The following PIK3IP1 variants were observed in gnomAD, a reference collection of about 807,000 sequenced individuals.
The protein encoded by PIK3IP1 is phosphoinositide-3-kinase interacting protein 1.
Under a neutral mutation model 30.7 loss-of-function variants are expected in PIK3IP1, and 28 were observed. The observed-to-expected ratio is 0.91, with a 90% confidence interval of 0.68 to 1.25. The LOEUF (loss-of-function observed/expected upper bound fraction) is 1.25, where lower values mean the gene tolerates loss of function less well. PIK3IP1 is among the 50% of genes most tolerant of loss of function. The pLI is 0.00. For missense variants in PIK3IP1, 333 were observed against 346.2 expected (o/e 0.96, Z 0.30); for synonymous variants, 159 against 140.8 (o/e 1.13, Z -0.91).
At chr22:31,291,323 C>T (rs780413144) in intron 1 of PIK3IP1, 27 bp from the exon 2 acceptor site, 3 of 1,549,902 alleles carry the variant, frequency 1.9e-6, no homozygotes, top group Middle Eastern at 1.7e-4. Flanking sequence ...CCCCCGGACA[C>T]AGAATAGCGG....
Position 31,283,083 on chromosome 22 carries a change from C to T in PIK3IP1, c.*1G>A, listed in dbSNP as rs1357877969. 1 of 1,587,454 alleles carries T rather than the reference C, an allele frequency of 6.3e-7. No individual in the cohort carries two copies. Among genetic ancestry groups the T allele is most frequent in the African/African-American group, 1.3e-5 (1 of 74,614 alleles). On this transcript the variant is annotated 3_prime_UTR_variant, in exon 6 of 6. Transcript: ENST00000215912. Reference sequence around the variant, plus strand: ...CATGGGCTCCTGCCCACTGGGGGGGCTCAGGCCCCAGGAGTCCCGGCCTGG... The same window carrying T: ...CATGGGCTCCTGCCCACTGGGGGGGTTCAGGCCCCAGGAGTCCCGGCCTGG...
chr22:31,290,596 C>A, intron 3 of PIK3IP1: 1 of 198,258 alleles, frequency 5.0e-6, no homozygotes, highest in South Asian at 1.5e-4. Context: ...CGGTGTGTGT[C>A]AGGGGAGGTT....
rs776304885 is a variant in PIK3IP1, at chr22:31,291,254, G to A, written c.113C>T (p.Thr38Ile). ...GCAGCGGAGGCCCGGCGCGGGGGAG[G>A]TCTGGTCCTCCCGGTACAGGTGGCC... Reference protein sequence around the residue: ...DNGHLYREDQTSPAPGLRCLN... With the variant: ...DNGHLYREDQISPAPGLRCLN... The change falls in exon 2 of 6, where the codon ACC (threonine) becomes ATC (isoleucine). Residue 38 changes from threonine (T) to isoleucine (I), a missense_variant. Physicochemically the swap from Thr to Ile is moderately conservative, Grantham distance 89. This residue lies in a region of PIK3IP1 where 111 missense variants were observed against 100.1 expected (regional missense o/e 1.11). Coordinates refer to ENST00000215912, the MANE Select transcript of PIK3IP1 (RefSeq NM_052880.5). 1.4e-4 allele frequency: 221 copies of A among 1,553,872 alleles called. No individual in the cohort carries two copies. The highest frequency in any genetic ancestry group is 1.2e-3 in the Admixed American group (63 of 51,396).
intron 1 of PIK3IP1, among the ~76,000 whole-genome samples, chr22:31,291,697 C>G (rs899624493): frequency 6.6e-6 from 1 of 152,084 alleles, no homozygotes; most frequent in African/African-American, 2.4e-5. Context: ...AGTTTTGGGA[C>G]GGGGGGCGCC....
chr22:31,290,787 T>TGGC (rs972468516), intron 3 of PIK3IP1, 178 bp downstream of exon 3: 9 of 894,088 alleles, frequency 1.0e-5, no homozygotes, highest in Non-Finnish European at 1.4e-5. Flanking sequence ...CTCATACGAG[T>TGGC]GGCGGCGGCG....
At position 31,291,291 on chromosome 22, in the gene PIK3IP1, A is replaced by T. The variant is rs2049176486; in HGVS notation, c.76T>A (p.Phe26Ile). 6.4e-7 allele frequency: 1 copy of T among 1,556,954 alleles called. No individual in the cohort carries two copies. Among genetic ancestry groups the T allele is most frequent in the East Asian group, 2.4e-5 (1 of 41,102 alleles). The stretch of plus-strand genomic sequence containing the variant: ...CGGTACAGGTGGCCGTTGTCCCAGA[A>T]ACAGCCTGTGAGGAAAAGAAGCCCC... The part of the protein sequence containing the change: ...LAEAYGSGGC[F>I]WDNGHLYRED... The change falls in exon 2 of 6, where the codon TTC (phenylalanine) becomes ATC (isoleucine). Residue 26 changes from phenylalanine (F) to isoleucine (I), a missense_variant. Transcript: ENST00000215912.
At chr22:31,288,014 T>C (rs534154404) in intron 5 of PIK3IP1, among the ~76,000 whole-genome samples, 1 of 152,314 alleles carries the variant, frequency 6.6e-6, no homozygotes, top group African/African-American at 2.4e-5. Flanking sequence ...GGAGGTTGAC[T>C]ACAAGGCCTT....
chr22:31,288,674 C>T (rs2049149647), intron 5 of PIK3IP1, among the ~76,000 whole-genome samples: 1 of 152,242 alleles, frequency 6.6e-6, no homozygotes, highest in Admixed American at 6.5e-5. Flanking sequence ...AATAAGCATT[C>T]TTCTCCTGCT....
rs1402346612 is a variant in PIK3IP1 at position 31,282,816 on chromosome 22, C to T, written c.*268G>A. 3 of 430,252 alleles carry T rather than the reference C, an allele frequency of 7.0e-6. No homozygotes were observed. The highest frequency in any genetic ancestry group is 5.9e-5 in the African/African-American group (3 of 50,532). The allele number at this position is 430,252 out of a possible 1,614,324, so 26.7% of individuals were successfully genotyped here. On this transcript the variant is annotated 3_prime_UTR_variant, in exon 6 of 6. Coordinates refer to ENST00000215912, the MANE Select transcript of PIK3IP1 (RefSeq NM_052880.5). ...GCAGGCAATGTTTGGAAGCCCTTAG[C>T]AGCAGCATCACTGTGGGAGCTGCCA...
In PIK3IP1 at chr22:31,290,828, G is replaced by A. The variant is rs1042964678; in HGVS notation, c.307+137C>T. On this transcript the variant is annotated intron_variant, in intron 3 of 5. Transcript: ENST00000215912. ...TAGGCTTTGAGCCCCGCGGCCTGGAGACAGCCCTGGCCAATCGGACGGCGC... is the reference window on the plus strand; with the variant it reads ...TAGGCTTTGAGCCCCGCGGCCTGGAAACAGCCCTGGCCAATCGGACGGCGC... 7.0e-6 allele frequency: 9 copies of A among 1,287,024 alleles called. No homozygotes were observed. The African/African-American group carries it at 1.3e-4, about 18-fold the overall frequency. 79.7% of individuals were successfully genotyped at this position (1,287,024 alleles called of 1,614,324 possible).
intron 5 of PIK3IP1, among the ~76,000 whole-genome samples, chr22:31,287,269 T>G (rs1348711125): frequency 6.6e-6 from 1 of 151,230 alleles, no homozygotes; most frequent in Non-Finnish European, 1.5e-5. Flanking sequence ...TCCACCCACC[T>G]CTGCCTCCCA....
In PIK3IP1 at chr22:31,289,626, C is replaced by T. The variant is rs893177052; in HGVS notation, c.381G>A (p.Glu127=). ...QEASEGPGAD[E]VQVFAPANAL... ...CGTTGGCAGGAGCGAACACCTGCACCTCATCTGCACCTGGCCCTTCAGACG... is the reference window on the plus strand; with the variant it reads ...CGTTGGCAGGAGCGAACACCTGCACTTCATCTGCACCTGGCCCTTCAGACG... Residue 127 remains glutamate, a synonymous_variant, in exon 4 of 6, where the codon GAG becomes GAA. Transcript: ENST00000215912. The T allele has an allele frequency of 2.4e-5, 37 of 1,556,078 alleles. No individual in the cohort carries two copies. Among genetic ancestry groups the T allele is most frequent in the Non-Finnish European group, 3.0e-5 (35 of 1,148,940 alleles).
rs957061765 is a variant in PIK3IP1 at position 31,291,191 on chromosome 22, G to A, written c.176C>T (p.Ala59Val). Residue 59 changes from alanine (A) to valine (V), a missense_variant, in exon 2 of 6, where the codon GCC becomes GTC. Physicochemically the swap from Ala to Val is moderately conservative, Grantham distance 64. Around this residue, in one of 3 missense-constraint regions of PIK3IP1, gnomAD observed 111 missense variants for 100.1 expected, o/e 1.11. Coordinates refer to ENST00000215912, the MANE Select transcript of PIK3IP1 (RefSeq NM_052880.5). The part of the protein sequence containing the change: ...WLDAQSGLAS[A>V]PVSGAGNHSY... ...CGGAGGACACTTACCCGACACGGGG[G>A]CCGAGGCCAGCCCGCTCTGCGCGTC... 7.1e-6 allele frequency: 11 copies of A among 1,547,244 alleles called. No individual in the cohort carries two copies. The highest frequency in any genetic ancestry group is 1.7e-4 in the Middle Eastern group (1 of 5,962).
chr22:31,290,681 G>C (rs2049167848), intron 3 of PIK3IP1: 1 of 402,806 alleles, frequency 2.5e-6, no homozygotes, highest in Non-Finnish European at 4.4e-6. Context: ...AACGCTGAGG[G>C]GCCAAAAGCC....
rs1296350743 is a variant in PIK3IP1, at chr22:31,281,967, C to G, written c.*1117G>C. 6.6e-6 allele frequency: 1 copy of G among 152,416 alleles called. No individual in the cohort carries two copies. The highest frequency in any genetic ancestry group is 6.5e-5 in the Admixed American group (1 of 15,284). 9.4% of individuals were successfully genotyped at this position (152,416 alleles called of 1,614,324 possible). A position where few individuals can be genotyped will look rare whatever the true frequency, so the allele number is the denominator to read the frequency against. ...TTGCGCTCCGTCAGGAAGCTGGGCT[C>G]TTGCCATGCCAGTAGCTTGCTTACG... On this transcript the variant is annotated 3_prime_UTR_variant, in exon 6 of 6. Transcript: ENST00000215912.
intron 5 of PIK3IP1, among the ~76,000 whole-genome samples, chr22:31,288,596 A>C (rs1337213905): frequency 1.3e-5 from 2 of 152,248 alleles, no homozygotes; most frequent in Admixed American, 1.3e-4. Context: ...CAGTGCTGTA[A>C]AGATGAATGC....
Position 31,289,346 on chromosome 22 carries a change from C to T in PIK3IP1, c.556G>A (p.Ala186Thr), listed in dbSNP as rs768502817. The T allele has an allele frequency of 5.6e-6, 9 of 1,613,802 alleles. No individual in the cohort carries two copies. Among genetic ancestry groups the T allele is most frequent in the Non-Finnish European group, 7.6e-6 (9 of 1,179,910 alleles). Reference protein sequence around the residue: ...TMMVIIIAIGAGIILGYSYKR... With the variant: ...TMMVIIIAIGTGIILGYSYKR... Reference sequence around the variant, plus strand: ...TAGGAGTAGCCCAAGATGATGCCAGCTCCGATGGCAATGATGATCACCATC... The same window carrying T: ...TAGGAGTAGCCCAAGATGATGCCAGTTCCGATGGCAATGATGATCACCATC... Residue 186 changes from alanine to threonine, a missense_variant, in exon 5 of 6, where the codon GCT becomes ACT. Transcript: ENST00000215912.
rs2049175160 is a variant in PIK3IP1 at position 31,291,185 on chromosome 22, A to T, written c.182T>A (p.Val61Glu). ...GTCCCCCGGAGGACACTTACCCGAC[A>T]CGGGGGCCGAGGCCAGCCCGCTCTG... ...DAQSGLASAP[V>E]SGAGNHSYCR... The change falls in exon 2 of 6, where the codon GTG becomes GAG. Residue 61 changes from valine (V) to glutamate (E), a missense_variant. Val to Glu is a moderately radical substitution (Grantham distance 121). Around this residue, in one of 3 missense-constraint regions of PIK3IP1, gnomAD observed 111 missense variants for 100.1 expected, o/e 1.11. Transcript: ENST00000215912. The T allele has an allele frequency of 6.5e-7, 1 of 1,546,426 alleles. No individual in the cohort carries two copies. Among genetic ancestry groups the T allele is most frequent in the Non-Finnish European group, 8.7e-7 (1 of 1,145,302 alleles).
rs2049187871 is a variant in PIK3IP1 at position 31,292,389 on chromosome 22, A to G, written c.-45T>C. On this transcript the variant is annotated 5_prime_UTR_variant, in exon 1 of 6. Transcript: ENST00000215912. ...CAGGTGATTGAACGACCAGTGTTTA[A>G]CCGAGGCCCCCTTGGCGGCGGCTCT... 6.3e-7 allele frequency: 1 copy of G among 1,588,476 alleles called. No homozygotes were observed. Among genetic ancestry groups the G allele is most frequent in the Admixed American group, 1.7e-5 (1 of 59,860 alleles).
Sources: gnomAD v4.1 joint callset for allele counts (sites outside exome capture counted in the v4.1 genomes callset) on GRCh38, gnomAD v4.1.1 for gene constraint, gnomAD v4.1.1 regional missense constraint, MANE v1.5 for transcripts, NCBI Gene and HGNC (gene_info 2026-07-23, HGNC 2026-07-21) for gene names.